CNGA3: variants seen among roughly 807,000 people sequenced by gnomAD.
CNGA3 encodes the protein cyclic nucleotide gated channel subunit alpha 3, also known as cyclic nucleotide-gated channel alpha-3.
A neutral mutation model predicts 46.6 loss-of-function variants in CNGA3; 42 were observed. The ratio of observed to expected loss-of-function variants is 0.90; its 90% CI spans 0.70 to 1.17. The LOEUF (loss-of-function observed/expected upper bound fraction) is 1.17. Ranked by LOEUF, CNGA3 falls within the 50% of genes most tolerant of loss-of-function variation. The probability of loss-of-function intolerance (pLI) is 0.00; values close to 1 mark genes in which losing one functional copy is unlikely to be tolerated. For missense variants in CNGA3, 893 were observed against 890.7 expected, an observed-to-expected ratio of 1.00 and a Z score of -0.03; for synonymous variants, 394 against 369.4, an observed-to-expected ratio of 1.07 and a Z score of -0.76.
intron 1 of CNGA3, among the ~76,000 whole-genome samples, chr2:98,358,298 T>A (rs1691935619): frequency 6.6e-6 from 1 of 152,194 alleles, no homozygotes; most frequent in African/African-American, 2.4e-5. Flanking sequence ...AGAGTAAAAT[T>A]TTTTCTTTTA....
chr2:98,388,647 T>A (rs1401211543), intron 5 of CNGA3, among the ~76,000 whole-genome samples: 1 of 152,192 alleles, frequency 6.6e-6, no homozygotes, highest in African/African-American at 2.4e-5. Context: ...GGGCTGCCCC[T>A]GTGAGCCTGC....
intron 2 of CNGA3, among the ~76,000 whole-genome samples, chr2:98,374,639 C>T (rs1692364998): frequency 6.6e-6 from 1 of 152,232 alleles, no homozygotes; most frequent in Non-Finnish European, 1.5e-5. Flanking sequence ...ATCAGTTCCT[C>T]TCCTCTCTTC....
intron 1 of CNGA3, chr2:98,356,082 T>C (rs1574359111): frequency 6.6e-6 from 1 of 152,256 alleles, no homozygotes; most frequent in East Asian, 1.9e-4. Flanking sequence ...CTGGAGAATT[T>C]CCCTTCTACC....
chr2:98,360,136 C>T (rs999074079), intron 1 of CNGA3, among the ~76,000 whole-genome samples: 1 of 152,206 alleles, frequency 6.6e-6, no homozygotes, highest in Non-Finnish European at 1.5e-5. Flanking sequence ...ATCCTGGCTC[C>T]GGCCTTCAGC....
At chr2:98,367,718 C>A (rs994422479) in intron 1 of CNGA3, among the ~76,000 whole-genome samples, 5 of 152,140 alleles carry the variant, frequency 3.3e-5, no homozygotes, top group Admixed American at 2.6e-4. Context: ...TCCTCCCCAC[C>A]CCTTATACCT....
intron 2 of CNGA3, among the ~76,000 whole-genome samples, chr2:98,374,338 A>G (rs1331494106): frequency 6.6e-6 from 1 of 152,212 alleles, no homozygotes; most frequent in Non-Finnish European, 1.5e-5. Flanking sequence ...TGTTCTTGCC[A>G]ACTACCAACA....
Position 98,376,060 on chromosome 2 carries a change from A to G in CNGA3, c.102-1627A>G, listed in dbSNP as rs192599978. On this transcript the variant is annotated intron_variant, in intron 2 of 7. Coordinates refer to ENST00000272602, the MANE Select transcript of CNGA3 (RefSeq NM_001298.3). ...AGGTGAGTGTGTTCTCTGCATACCAATGCTTCCAAAACATCGAGTTACTCA... is the reference window on the plus strand; with the variant it reads ...AGGTGAGTGTGTTCTCTGCATACCAGTGCTTCCAAAACATCGAGTTACTCA... 3.6e-4 allele frequency among the ~76,000 whole-genome samples: 55 copies of G among 152,242 alleles called. 1 individual carries two copies. In the East Asian group the frequency reaches 9.7e-3, roughly 27 times the overall value.
At chr2:98,349,613 C>T (rs1189673068) in intron 1 of CNGA3, among the ~76,000 whole-genome samples, 1 of 152,150 alleles carries the variant, frequency 6.6e-6, no homozygotes, top group Non-Finnish European at 1.5e-5. Flanking sequence ...CTATTTCAGC[C>T]ATCCTGGGGA....
At chr2:98,367,304 C>T (rs1692185568) in intron 1 of CNGA3, among the ~76,000 whole-genome samples, 1 of 151,788 alleles carries the variant, frequency 6.6e-6, no homozygotes, top group African/African-American at 2.4e-5. Context: ...ACACCATTCT[C>T]CTGCCTCAGC....
At chr2:98,366,191 C>T (rs886108947) in intron 1 of CNGA3, among the ~76,000 whole-genome samples, 1 of 152,142 alleles carries the variant, frequency 6.6e-6, no homozygotes, top group African/African-American at 2.4e-5. Flanking sequence ...CTCTCCAGAC[C>T]CCATTCACCT....
In CNGA3 at chr2:98,374,244, T is replaced by C. The variant is rs991897579; in HGVS notation, c.102-3443T>C. On this transcript the variant is annotated intron_variant, in intron 2 of 7. Transcript: ENST00000272602. ...CACCTTACCAACGTTAATTCCTCTGTGCAAATAAACGTAGAACTTGAGCAT... is the reference window on the plus strand; with the variant it reads ...CACCTTACCAACGTTAATTCCTCTGCGCAAATAAACGTAGAACTTGAGCAT... Among the ~76,000 whole-genome samples, 7 of 152,348 alleles carry C rather than the reference T, an allele frequency of 4.6e-5. No homozygotes were observed. In the East Asian group the frequency reaches 1.2e-3, roughly 25 times the overall value.
At chr2:98,370,173 C>A in intron 2 of CNGA3, 97 bp downstream of exon 2, 1 of 997,454 alleles carries the variant, frequency 1.0e-6, no homozygotes, top group Non-Finnish European at 1.6e-6. Context: ...TCACGTTGGC[C>A]AGCCACAGGT....
intron 1 of CNGA3, chr2:98,350,929 C>T (rs1423802294): frequency 2.0e-5 from 3 of 152,140 alleles, no homozygotes; most frequent in Non-Finnish European, 2.9e-5. Context: ...CCAACTCAGA[C>T]TCGTTATCTC....
intron 5 of CNGA3, 74 bp downstream of exon 5, chr2:98,383,515 C>T: frequency 2.1e-6 from 3 of 1,451,768 alleles, no homozygotes; most frequent in Non-Finnish European, 1.9e-6. Flanking sequence ...CCAGCTTGGC[C>T]TCTCTCCTTA....
Position 98,357,661 on chromosome 2 carries a change from A to G in CNGA3, c.-38+11127A>G, listed in dbSNP as rs1275802685. On this transcript the variant is annotated intron_variant, in intron 1 of 7. Transcript: ENST00000272602. ...AGGAGTCAGTAAGGGGGCTGGTGGC[A>G]GGGGGACATGCTAGATTTAGTCATG... is the stretch of plus-strand genomic sequence containing the variant. 3.3e-5 allele frequency among the ~76,000 whole-genome samples: 5 copies of G among 152,276 alleles called. No homozygotes were observed. In the East Asian group the frequency reaches 7.7e-4, roughly 23 times the overall value.
intron 1 of CNGA3, among the ~76,000 whole-genome samples, chr2:98,348,373 T>G (rs1691692418): frequency 6.6e-6 from 1 of 152,230 alleles, no homozygotes; most frequent in South Asian, 2.1e-4. Flanking sequence ...ATTCACCATC[T>G]GCTAGTGGTG....
In CNGA3 at chr2:98,395,920, G is replaced by A. The variant is rs1465517190; in HGVS notation, c.750G>A (p.Lys250=). 1 of 1,614,190 alleles carries A rather than the reference G, an allele frequency of 6.2e-7. No individual in the cohort carries two copies. The highest frequency in any genetic ancestry group is 1.1e-5 in the South Asian group (1 of 91,082). The change falls in exon 8 of 8, where the codon AAG becomes AAA. Residue 250 remains lysine, a synonymous_variant. Transcript: ENST00000272602. ...WQHYKTTTQF[K]LDVLSLVPTD... is the part of the protein sequence containing the mutation. ...ATTACAAGACGACCACGCAGTTCAA[G>A]CTGGATGTGTTGTCCCTGGTCCCCA...
intron 4 of CNGA3, among the ~76,000 whole-genome samples, chr2:98,381,636 G>C (rs1214896234): frequency 1.3e-5 from 2 of 152,200 alleles, no homozygotes; most frequent in African/African-American, 4.8e-5. Context: ...GACTGCTTTA[G>C]GAGACCCGGG....
chr2:98,369,656 CTTCA>C (rs1692240749), intron 1 of CNGA3, among the ~76,000 whole-genome samples: 1 of 152,188 alleles, frequency 6.6e-6, no homozygotes, highest in Non-Finnish European at 1.5e-5. Flanking sequence ...CAACTTGGCC[CTTCA>C]TTTATTTATT....
Sources: gnomAD v4.1 joint callset for allele counts (sites outside exome capture counted in the v4.1 genomes callset) on GRCh38, gnomAD v4.1.1 for gene constraint, MANE v1.5 for transcripts, NCBI Gene and HGNC (gene_info 2026-07-23, HGNC 2026-07-21) for gene names.